Variants in CNTNAP4 observed in about 807,000 individuals in gnomAD.
CNTNAP4 encodes the protein contactin associated protein family member 4.
CNTNAP4 carries 98 observed loss-of-function variants against 148.4 expected under a neutral mutation model. The ratio of observed to expected loss-of-function variants is 0.66; its 90% CI spans 0.56 to 0.78. The LOEUF (loss-of-function observed/expected upper bound fraction) is 0.78. CNTNAP4 is among the 30% of genes least tolerant of loss of function. The pLI is 0.00. For synonymous variants in CNTNAP4, 730 were observed against 565.1 expected (o/e 1.29, Z -4.14); for missense variants, 1,935 against 1,565.6 (o/e 1.24, Z -3.98).
At chr16:76,515,426 C>T (rs921984336) in intron 15 of CNTNAP4, among the ~76,000 whole-genome samples, 3 of 152,064 alleles carry the variant, frequency 2.0e-5, no homozygotes, top group Non-Finnish European at 4.4e-5. Context: ...GAAAGAGACA[C>T]CAGAGACCCC....
At chr16:76,476,124 A>G (rs774716103) in intron 11 of CNTNAP4, 79 bp downstream of exon 11, 90 of 963,336 alleles carry the variant, frequency 9.3e-5, no homozygotes, top group Non-Finnish European at 1.3e-4. Flanking sequence ...CTGTGTGTAT[A>G]TATGTCTGTT....
chr16:76,373,370 A>G (rs1320348497), intron 3 of CNTNAP4, among the ~76,000 whole-genome samples: 1 of 152,204 alleles, frequency 6.6e-6, no homozygotes, highest in Non-Finnish European at 1.5e-5. Flanking sequence ...CATAAAAACC[A>G]GGACTTGAAC....
chr16:76,301,454 A>G (rs1258726790), intron 1 of CNTNAP4, among the ~76,000 whole-genome samples: 2 of 152,194 alleles, frequency 1.3e-5, no homozygotes, highest in African/African-American at 4.8e-5. Flanking sequence ...TTTATGATCT[A>G]ATTCAAGGCA....
intron 2 of CNTNAP4, among the ~76,000 whole-genome samples, chr16:76,351,513 C>A (rs1409261969): frequency 6.6e-6 from 1 of 152,210 alleles, no homozygotes; most frequent in Non-Finnish European, 1.5e-5. Flanking sequence ...CCATGTGCAT[C>A]TGCAGAGCTG....
chr16:76,306,903 A>G (rs1960535484), intron 1 of CNTNAP4, among the ~76,000 whole-genome samples: 1 of 152,216 alleles, frequency 6.6e-6, no homozygotes, highest in South Asian at 2.1e-4. Flanking sequence ...GCAGAGGTAC[A>G]TCAAGTTGAA....
chr16:76,522,392 C>T (rs2083491516), intron 17 of CNTNAP4, 135 bp downstream of exon 17: 3 of 773,606 alleles, frequency 3.9e-6, no homozygotes, highest in Admixed American at 4.9e-5. Flanking sequence ...GATTCACAAA[C>T]TGTGTCCAAA....
chr16:76,480,175 A>T (rs916206941), intron 12 of CNTNAP4, among the ~76,000 whole-genome samples: 5 of 152,186 alleles, frequency 3.3e-5, no homozygotes, highest in Admixed American at 3.3e-4. Context: ...GGGAAAAAAA[A>T]GACCAAGATT....
chr16:76,522,766 C>CTTTTCTTTTCTTTTCTTTTCTTT (rs1568498490), intron 17 of CNTNAP4, among the ~76,000 whole-genome samples: 1 of 87,208 alleles, frequency 1.1e-5, no homozygotes, highest in Non-Finnish European at 2.4e-5. Flanking sequence ...CTTTTCTTTT[C>CTTTTCTTTTCTTTTCTTTTCTTT]TTTTCTTTTC....
chr16:76,461,930 A>G, intron 8 of CNTNAP4, 26 bp from the exon 9 acceptor site: 1 of 1,610,490 alleles, frequency 6.2e-7, no homozygotes, highest in Non-Finnish European at 8.5e-7. Context: ...ATTGAGAGCG[A>G]TCTCTAACTG....
intron 18 of CNTNAP4, among the ~76,000 whole-genome samples, chr16:76,536,232 G>A (rs2084206254): frequency 6.6e-6 from 1 of 151,750 alleles, no homozygotes; most frequent in South Asian, 2.1e-4. Context: ...CTGTCACTCT[G>A]TCACCCAGGC....
intron 2 of CNTNAP4, among the ~76,000 whole-genome samples, chr16:76,330,954 T>C (rs887813538): frequency 3.9e-5 from 6 of 152,216 alleles, no homozygotes. Flanking sequence ...TCTGTAAAAA[T>C]TGGACTTTAT....
chr16:76,312,460 C>T (rs2144048677), intron 1 of CNTNAP4, among the ~76,000 whole-genome samples: 1 of 152,236 alleles, frequency 6.6e-6, no homozygotes, highest in South Asian at 2.1e-4. Flanking sequence ...GCTTAATCCA[C>T]AATTCCAAAT....
chr16:76,539,399 G>A (rs1597106319), intron 19 of CNTNAP4, among the ~76,000 whole-genome samples: 1 of 152,068 alleles, frequency 6.6e-6, no homozygotes, highest in Admixed American at 6.6e-5. Context: ...TAAGCAATAG[G>A]TTGGCATTTC....
intron 23 of CNTNAP4, chr16:76,557,307 G>A (rs1200120674): frequency 6.6e-6 from 1 of 152,110 alleles, no homozygotes; most frequent in Non-Finnish European, 1.5e-5. Flanking sequence ...AAATACCCAA[G>A]TCTGAACAAC....
At chr16:76,544,909 A>G (rs187603436) in intron 21 of CNTNAP4, among the ~76,000 whole-genome samples, 40 of 152,332 alleles carry the variant, frequency 2.6e-4, no homozygotes, top group Non-Finnish European at 5.3e-4. Flanking sequence ...AGGAAAAGGA[A>G]GTCTACTCAG....
chr16:76,394,813 G>A (rs546282188), intron 3 of CNTNAP4, among the ~76,000 whole-genome samples: 30 of 152,214 alleles, frequency 2.0e-4, no homozygotes, highest in African/African-American at 7.0e-4. Context: ...TGTGATGAGT[G>A]ATACATCATT....
intron 4 of CNTNAP4, among the ~76,000 whole-genome samples, chr16:76,435,878 C>T (rs1256271533): frequency 6.6e-6 from 1 of 152,138 alleles, no homozygotes. Context: ...TCAATAAATT[C>T]AGCCTGATCT....
At chr16:76,389,362 C>T (rs1379493523) in intron 3 of CNTNAP4, among the ~76,000 whole-genome samples, 5 of 152,198 alleles carry the variant, frequency 3.3e-5, no homozygotes, top group African/African-American at 1.2e-4. Flanking sequence ...TCATGGAATT[C>T]TTTCTGACAG....
intron 3 of CNTNAP4, among the ~76,000 whole-genome samples, chr16:76,361,087 T>C (rs2013379289): frequency 6.6e-6 from 1 of 151,946 alleles, no homozygotes; most frequent in Non-Finnish European, 1.5e-5. Flanking sequence ...CCTCCCAAAG[T>C]GCTGGGATTA....
Sources: gnomAD v4.1 joint callset for allele counts (sites outside exome capture counted in the v4.1 genomes callset) on GRCh38, gnomAD v4.1.1 for gene constraint, MANE v1.5 for transcripts, NCBI Gene and HGNC (gene_info 2026-07-23, HGNC 2026-07-21) for gene names.